The following CIDEB variants were observed in gnomAD, a reference collection of about 807,000 sequenced individuals.
The protein encoded by CIDEB is cell death inducing DFFA like effector b, also known as lipid transferase CIDEB.
A neutral mutation model predicts 22.4 loss-of-function variants in CIDEB; 27 were observed. The ratio of observed to expected loss-of-function variants is 1.21; its 90% CI spans 0.89 to 1.66. The LOEUF (loss-of-function observed/expected upper bound fraction) is 1.66. Among genes scored for constraint, CIDEB ranks in the 40% most tolerant of loss-of-function variants. The pLI is 0.00. For synonymous variants in CIDEB, 103 were observed against 109.5 expected (o/e 0.94, Z 0.37); for missense variants, 289 against 268.7 (o/e 1.08, Z -0.53).
In CIDEB at chr14:24,306,062, C is replaced by A. The variant is rs148553609; in HGVS notation, c.412G>T (p.Val138Leu). The change falls in exon 4 of 5, where the codon GTG becomes TTG. Residue 138 changes from valine to leucine, a missense_variant. By Grantham distance (32) the Val-to-Leu change is conservative. Coordinates refer to ENST00000554411, the MANE Select transcript of CIDEB (RefSeq NM_001393339.1). ...SKDIARFTFD[V>L]YKQNPRDLFG... ...AGGTCTCGAGGGTTTTGCTTGTACA[C>A]GTCAAAGGTGAATCGGGCGATGTCC... The A allele has an allele frequency of 5.0e-5, 81 of 1,614,066 alleles. No homozygotes were observed. Among genetic ancestry groups the A allele is most frequent in the Non-Finnish European group, 6.8e-5 (80 of 1,180,038 alleles).
In CIDEB at chr14:24,306,211, C is replaced by A. The variant is rs999421291; in HGVS notation, c.337-74G>T. ...CCACTAATCTCCATCAGCACTGGGT[C>A]AGACCCTCCCTCGCTTGGACTTTCT... On this transcript the variant is annotated intron_variant, in intron 3 of 4. Coordinates refer to ENST00000554411, the MANE Select transcript of CIDEB (RefSeq NM_001393339.1). 4.5e-6 allele frequency: 7 copies of A among 1,545,780 alleles called. No homozygotes were observed. In the African/African-American group the frequency reaches 9.5e-5, roughly 21 times the overall value.
chr14:24,310,468 TG>T (rs1566421294), upstream of CIDEB: 1 of 709,184 alleles, frequency 1.4e-6, no homozygotes, highest in Non-Finnish European at 2.6e-6. Context: ...GCAGGGGATC[TG>T]GGTTCCAAGA....
chr14:24,307,215 G>T, intron 2 of CIDEB, 156 bp downstream of exon 2: 1 of 737,568 alleles, frequency 1.4e-6, no homozygotes, highest in Non-Finnish European at 2.2e-6. Context: ...TGAACAAATT[G>T]ACCAGAGCTC....
intron 2 of CIDEB, chr14:24,307,093 T>G (rs897929988): frequency 2.9e-6 from 1 of 350,710 alleles, no homozygotes; most frequent in African/African-American, 2.1e-5. Context: ...GAATTTGAAC[T>G]TGATTTGTCA....
At position 24,307,968 on chromosome 14, in the gene CIDEB, A is replaced by G; in HGVS notation, c.-110T>C. 9.8e-7 allele frequency: 1 copy of G among 1,025,226 alleles called. No individual in the cohort carries two copies. The highest frequency in any genetic ancestry group is 1.5e-6 in the Non-Finnish European group (1 of 671,164). The allele number at this position is 1,025,226 out of a possible 1,614,324, so 63.5% of individuals were successfully genotyped here. On this transcript the variant is annotated 5_prime_UTR_variant, in exon 1 of 5. Coordinates refer to ENST00000554411, the MANE Select transcript of CIDEB (RefSeq NM_001393339.1). Reference sequence around the variant, plus strand: ...AAACCTGGGATCTCAGCCCAGGACAAGGTGGGAATGAGTCAAGCCTGGACT... The same window carrying G: ...AAACCTGGGATCTCAGCCCAGGACAGGGTGGGAATGAGTCAAGCCTGGACT...
rs531493079 is a variant in CIDEB at position 24,305,338 on chromosome 14, T to C, written c.*295A>G. On this transcript the variant is annotated 3_prime_UTR_variant, in exon 5 of 5. Coordinates refer to ENST00000554411, the MANE Select transcript of CIDEB (RefSeq NM_001393339.1). Reference sequence around the variant, plus strand: ...GGAGGCATTGGTAGGGGATTAGATGTAGCAGCAGTCAGGCTGGGATCAAGA... The same window carrying C: ...GGAGGCATTGGTAGGGGATTAGATGCAGCAGCAGTCAGGCTGGGATCAAGA... The C allele has an allele frequency of 3.4e-5, 19 of 559,478 alleles. No homozygotes were observed. The South Asian group carries it at 4.8e-4, about 14-fold the overall frequency. 34.7% of individuals were successfully genotyped at this position (559,478 alleles called of 1,614,324 possible). A position where few individuals can be genotyped will look rare whatever the true frequency, so the allele number is the denominator to read the frequency against.
chr14:24,307,535 G>A lies in CIDEB; in HGVS notation c.42-20C>T. ...ACTGACCTGGTAGTTGAGAAGAAAA[G>A]TCAAGAAGGGGCGAGGAGGGGCTTG... is the stretch of plus-strand genomic sequence containing the variant. On this transcript the variant is annotated intron_variant, in intron 1 of 4. Transcript: ENST00000554411. 1.9e-6 allele frequency: 3 copies of A among 1,610,458 alleles called. No individual in the cohort carries two copies. The highest frequency in any genetic ancestry group is 2.2e-5 in the South Asian group (2 of 90,694).
At chr14:24,310,882 T>A, upstream of CIDEB, 1 of 1,592,620 alleles carries the variant, frequency 6.3e-7, no homozygotes, top group South Asian at 1.1e-5. Context: ...GCGGTGCTGC[T>A]GCTCACGCCG....
chr14:24,310,202 G>A, upstream of CIDEB: 1 of 401,630 alleles, frequency 2.5e-6, no homozygotes, highest in East Asian at 5.2e-5. Context: ...CTCGCCTACT[G>A]CTGCTTAACC....
intron 2 of CIDEB, 166 bp from the exon 3 acceptor site, chr14:24,306,689 T>A (rs2041520253): frequency 1.3e-6 from 1 of 783,188 alleles, no homozygotes; most frequent in African/African-American, 1.7e-5. Flanking sequence ...TTCTTCAGTT[T>A]TTGGGGGATC....
upstream of CIDEB, chr14:24,310,367 G>GA: frequency 1.6e-6 from 1 of 609,692 alleles, no homozygotes; most frequent in South Asian, 2.0e-5. Context: ...TGGTGGTAGA[G>GA]ATAGTGACAG....
chr14:24,310,625 C>T, upstream of CIDEB: 4 of 1,608,654 alleles, frequency 2.5e-6, no homozygotes, highest in Non-Finnish European at 3.4e-6. Context: ...CCCCTGAACG[C>T]CCTCTGTGGC....
chr14:24,311,133 G>C (rs773532640), upstream of CIDEB: 1 of 1,586,890 alleles, frequency 6.3e-7, no homozygotes, highest in East Asian at 2.3e-5. Flanking sequence ...CGTCCCGGCC[G>C]CCGTCTACCG....
rs759124370 is a variant in CIDEB, at chr14:24,306,403, G to A, written c.307C>T (p.Gln103Ter). Residue 103 changes from glutamine to a stop codon, truncating the protein, a stop_gained, in exon 3 of 5, where the codon CAG becomes TAG. Coordinates refer to ENST00000554411, the MANE Select transcript of CIDEB (RefSeq NM_001393339.1). LOFTEE classifies it high-confidence loss of function. ...GTAGGGCTCCAGCTCTGACCAGACT[G>A]CAACACCATCAGGCACGTGTCATCC... ...LEDDTCLMVL[Q>*]SGQSWSPTRS... 42 of 1,614,096 alleles carry A rather than the reference G, an allele frequency of 2.6e-5. No individual in the cohort carries two copies. The highest frequency in any genetic ancestry group is 3.4e-5 in the Non-Finnish European group (40 of 1,180,042).
intron 1 of CIDEB, 146 bp from the exon 2 acceptor site, chr14:24,307,661 G>T: frequency 8.4e-7 from 1 of 1,189,810 alleles, no homozygotes; most frequent in South Asian, 1.4e-5. Flanking sequence ...ATGGAGTGCA[G>T]GTGGGGGCGG....
upstream of CIDEB, chr14:24,310,982 C>G: frequency 6.3e-7 from 1 of 1,590,306 alleles, no homozygotes; most frequent in South Asian, 1.1e-5. Context: ...TCAGCATGTA[C>G]GCCAGCGTGC....
upstream of CIDEB, chr14:24,308,430 G>A (rs998771951): frequency 1.2e-5 from 2 of 160,354 alleles, no homozygotes; most frequent in Non-Finnish European, 1.4e-5. Flanking sequence ...CTGATACATG[G>A]ATTCAGGATC....
upstream of CIDEB, chr14:24,309,583 T>A (rs1363339326): frequency 6.6e-6 from 1 of 152,300 alleles, no homozygotes; most frequent in Non-Finnish European, 1.5e-5. Context: ...TGGTGCAGCC[T>A]GGTAATGGGG....
chr14:24,307,338 T>C (rs2041542164), intron 2 of CIDEB, 33 bp downstream of exon 2: 1 of 1,597,440 alleles, frequency 6.3e-7, no homozygotes, highest in Non-Finnish European at 8.5e-7. Flanking sequence ...TGGCTACCCC[T>C]GCTATAGGAA....
Sources: gnomAD v4.1 joint callset for allele counts on GRCh38, gnomAD v4.1.1 for gene constraint, MANE v1.5 for transcripts, NCBI Gene and HGNC (gene_info 2026-07-23, HGNC 2026-07-21) for gene names.